The following FMNL1 variants were observed in gnomAD, a reference collection of about 807,000 sequenced individuals.
FMNL1 encodes formin-like protein 1.
A neutral mutation model predicts 121.3 loss-of-function variants in FMNL1; 43 were observed. The observed-to-expected ratio is 0.35, with a 90% CI of 0.28 to 0.46. The LOEUF (loss-of-function observed/expected upper bound fraction) is 0.46, where lower values mean the gene tolerates loss of function less well. Among genes scored for constraint, FMNL1 ranks in the 20% least tolerant of loss-of-function variants. The pLI, the probability that FMNL1 is intolerant of heterozygous loss-of-function variation, is 1.00. For missense variants in FMNL1, 1,191 were observed against 1,482.4 expected, an observed-to-expected ratio of 0.80 and a Z score of 3.23; for synonymous variants, 613 against 613.5, an observed-to-expected ratio of 1.00 and a Z score of 0.01.
intron 11 of FMNL1, 112 bp downstream of exon 11, chr17:45,239,177 C>G: frequency 1.3e-6 from 1 of 784,120 alleles, no homozygotes; most frequent in Non-Finnish European, 2.2e-6. Flanking sequence ...AATCCTGGCT[C>G]TGCCGTTGCC....
At chr17:45,242,173 C>T (rs1193135984) in intron 15 of FMNL1, 27 bp downstream of exon 15, 8 of 1,522,240 alleles carry the variant, frequency 5.3e-6, no homozygotes, top group East Asian at 2.5e-5. Flanking sequence ...ACCTTGGGCC[C>T]GGGGCTGGGG....
In FMNL1 at chr17:45,241,897, C is replaced by T; in HGVS notation, c.1636C>T (p.Pro546Ser). The T allele has an allele frequency of 3.5e-6, 5 of 1,420,162 alleles. No homozygotes were observed. In the South Asian group the frequency reaches 5.9e-5, roughly 17 times the overall value. 88.0% of individuals were successfully genotyped at this position (1,420,162 alleles called of 1,614,324 possible). ...PAPGAAPPPP[P>S]PLPGLPSPQE... is the part of the protein sequence containing the mutation. ...TCCCGGAGCAGCGCCACCGCCGCCGCCCCCACTGCCCGGCCTCCCCTCCCC... is the reference window on the plus strand; with the variant it reads ...TCCCGGAGCAGCGCCACCGCCGCCGTCCCCACTGCCCGGCCTCCCCTCCCC... The change falls in exon 15 of 27, where the codon CCC (proline) becomes TCC (serine). Residue 546 changes from proline (P) to serine (S), a missense_variant. Coordinates refer to ENST00000331495, the MANE Select transcript of FMNL1 (RefSeq NM_005892.4). This position sits in a 1 kb window ranked among gnomAD's most constrained non-coding sequence, Gnocchi z 7.0.
In FMNL1 at chr17:45,233,341, C is replaced by G. The variant is rs201087162; in HGVS notation, c.401+44C>G. The G allele has an allele frequency of 6.5e-7, 1 of 1,535,952 alleles. No homozygotes were observed. Among genetic ancestry groups the G allele is most frequent in the African/African-American group, 1.4e-5 (1 of 72,838 alleles). On this transcript the variant is annotated intron_variant, in intron 4 of 26. Transcript: ENST00000331495. The surrounding 1 kb of genome is among the most constrained non-coding windows in gnomAD (Gnocchi z 4.1). The stretch of plus-strand genomic sequence containing the variant: ...CTTCCTCTCTGGGCCTAGGAAGGCT[C>G]TGCTTCCAGGCAGCTCCTGGAGCTT...
chr17:45,242,070 G>A lies in FMNL1; in HGVS notation c.1809G>A (p.Pro603=). ...PPPGTDGPVP[P]PPPPPPPPPG... ...CGGGCACTGACGGGCCGGTGCCTCC[G>A]CCGCCGCCGCCGCCGCCGCCGCCTC... The change falls in exon 15 of 27, where the codon CCG becomes CCA. Residue 603 remains proline, a synonymous_variant. Coordinates refer to ENST00000331495, the MANE Select transcript of FMNL1 (RefSeq NM_005892.4). The A allele has an allele frequency of 1.2e-6, 1 of 867,584 alleles. No individual in the cohort carries two copies. 53.7% of individuals were successfully genotyped at this position (867,584 alleles called of 1,614,324 possible).
chr17:45,241,879 G>A lies in FMNL1; in HGVS notation c.1618G>A (p.Ala540Thr). The A allele has an allele frequency of 7.0e-7, 1 of 1,431,012 alleles. No homozygotes were observed. Among genetic ancestry groups the A allele is most frequent in the Non-Finnish European group, 9.1e-7 (1 of 1,100,826 alleles). The allele number at this position is 1,431,012 out of a possible 1,614,324, so 88.6% of individuals were successfully genotyped here. Residue 540 changes from alanine (A) to threonine (T), a missense_variant, in exon 15 of 27, where the codon GCA (alanine) becomes ACA (threonine). Transcript: ENST00000331495. This position sits in a 1 kb window ranked among gnomAD's most constrained non-coding sequence, Gnocchi z 7.0. ...LAPAAEPAPGAAPPPPPPLPG... is the reference protein window; with the variant it reads ...LAPAAEPAPGTAPPPPPPLPG... The stretch of plus-strand genomic sequence containing the variant: ...ACCTGCAGCAGAGCCGGCTCCCGGA[G>A]CAGCGCCACCGCCGCCGCCCCCACT...
chr17:45,224,434 G>A (rs2043292795), intron 1 of FMNL1, among the ~76,000 whole-genome samples: 1 of 152,204 alleles, frequency 6.6e-6, no homozygotes, highest in Non-Finnish European at 1.5e-5. Flanking sequence ...GTGTCTAAGA[G>A]GAGAAGAACC....
At chr17:45,229,923 G>A (rs1679034027) in intron 1 of FMNL1, among the ~76,000 whole-genome samples, 2 of 152,096 alleles carry the variant, frequency 1.3e-5, no homozygotes, top group Admixed American at 6.5e-5. Context: ...AAATCTCCCC[G>A]CCCCTGCAGC....
chr17:45,225,911 C>T (rs1464739513), intron 1 of FMNL1, among the ~76,000 whole-genome samples: 6 of 152,160 alleles, frequency 3.9e-5, no homozygotes, highest in East Asian at 1.9e-4. Context: ...TAGAGGACTT[C>T]GCACAGTGCC....
chr17:45,232,202 G>T (rs193216219), intron 2 of FMNL1, among the ~76,000 whole-genome samples, 165 bp from the exon 3 acceptor site: 8 of 152,318 alleles, frequency 5.3e-5, no homozygotes, highest in Admixed American at 5.2e-4. Flanking sequence ...AAAAGAAAGT[G>T]GCTTGGTGGA....
intron 1 of FMNL1, among the ~76,000 whole-genome samples, chr17:45,222,527 TGAA>T (rs933106831): frequency 1.3e-5 from 2 of 152,064 alleles, no homozygotes; most frequent in African/African-American, 4.8e-5. Flanking sequence ...GTATGTCCTG[TGAA>T]GAAGTTGGGA....
intron 11 of FMNL1, chr17:45,239,279 C>T (rs1179212156): frequency 1.2e-5 from 7 of 572,610 alleles, no homozygotes; most frequent in Non-Finnish European, 1.9e-5. Context: ...AATCTTGACT[C>T]TAAATGCATA....
Position 45,237,787 on chromosome 17 carries a change from A to G in FMNL1, c.894+148A>G, listed in dbSNP as rs1011156986. The G allele has an allele frequency of 4.4e-5, 36 of 811,184 alleles. No homozygotes were observed. In the Admixed American group the frequency reaches 7.9e-4, roughly 18 times the overall value. 50.2% of individuals were successfully genotyped at this position (811,184 alleles called of 1,614,324 possible). ...CCAAAAGTTGAAGTTGAGCCACATC[A>G]CTGGCTCAGCAATCTGGGATGGGGA... On this transcript the variant is annotated intron_variant, in intron 9 of 26. Transcript: ENST00000331495. The surrounding 1 kb of genome is among the most constrained non-coding windows in gnomAD (Gnocchi z 4.4).
At chr17:45,236,042 G>C in intron 6 of FMNL1, 94 bp from the exon 7 acceptor site, 1 of 1,019,394 alleles carries the variant, frequency 9.8e-7, no homozygotes. Flanking sequence ...TCAGGTTCCA[G>C]ATGTGCCTCC....
chr17:45,228,178 G>C (rs2043368121), intron 1 of FMNL1, among the ~76,000 whole-genome samples: 1 of 152,224 alleles, frequency 6.6e-6, no homozygotes, highest in African/African-American at 2.4e-5. Flanking sequence ...TGGAGTGCCT[G>C]GCTCCTCGGT....
intron 7 of FMNL1, chr17:45,236,473 GGCATGAAGGA>G: frequency 2.2e-6 from 1 of 452,344 alleles, no homozygotes; most frequent in Non-Finnish European, 4.0e-6. Flanking sequence ...CCCATGGCTG[GGCATGAAGGA>G]GCCTCACATA....
chr17:45,228,831 A>ACCGTCT (rs61672284), intron 1 of FMNL1, among the ~76,000 whole-genome samples: 47,427 of 151,700 alleles, frequency 0.31, 8,521 homozygotes, highest in East Asian at 0.48. Flanking sequence ...CTCCCTGGCC[A>ACCGTCT]CCGTCTTTTG....
chr17:45,241,851 C>T lies in FMNL1; in HGVS notation c.1590C>T (p.Leu530=). The change falls in exon 15 of 27, where the codon CTC becomes CTT. Residue 530 remains leucine (L), a synonymous_variant. Coordinates refer to ENST00000331495, the MANE Select transcript of FMNL1 (RefSeq NM_005892.4). This position sits in a 1 kb window ranked among gnomAD's most constrained non-coding sequence, Gnocchi z 7.0. The part of the protein sequence containing the change: ...GVPTGSPSPD[L]APAAEPAPGA... The stretch of plus-strand genomic sequence containing the variant: ...GCCGCGCCCTCGCTGGCTCAGATCT[C>T]GCACCTGCAGCAGAGCCGGCTCCCG... 2 of 1,430,976 alleles carry T rather than the reference C, an allele frequency of 1.4e-6. No individual in the cohort carries two copies. Among genetic ancestry groups the T allele is most frequent in the Non-Finnish European group, 9.1e-7 (1 of 1,101,982 alleles). 88.6% of individuals were successfully genotyped at this position (1,430,976 alleles called of 1,614,324 possible).
intron 22 of FMNL1, 68 bp downstream of exon 22, chr17:45,245,484 G>T: frequency 1.9e-6 from 3 of 1,608,044 alleles, no homozygotes; most frequent in South Asian, 2.2e-5. Flanking sequence ...GCCTGGAGGG[G>T]TGTGGCCGTA....
In FMNL1 at chr17:45,233,158, C is replaced by T; in HGVS notation, c.328-66C>T. On this transcript the variant is annotated intron_variant, in intron 3 of 26. Coordinates refer to ENST00000331495, the MANE Select transcript of FMNL1 (RefSeq NM_005892.4). This position sits in a 1 kb window ranked among gnomAD's most constrained non-coding sequence, Gnocchi z 4.1. Reference sequence around the variant, plus strand: ...GGGTGGGCGCTGCTGCCTGCTGCCTCAGGACTTGGTGGGCCTGTGGGAGGC... The same window carrying T: ...GGGTGGGCGCTGCTGCCTGCTGCCTTAGGACTTGGTGGGCCTGTGGGAGGC... The T allele has an allele frequency of 1.3e-6, 2 of 1,519,072 alleles. No homozygotes were observed. The highest frequency in any genetic ancestry group is 1.8e-6 in the Non-Finnish European group (2 of 1,118,168). The allele number at this position is 1,519,072 out of a possible 1,614,324, so 94.1% of individuals were successfully genotyped here.
Sources: allele counts gnomAD v4.1 joint callset (sites outside exome capture counted in the v4.1 genomes callset), GRCh38; gene constraint gnomAD v4.1.1; non-coding constraint Gnocchi (gnomAD v3.1); transcripts MANE v1.5; gene names NCBI Gene and HGNC (gene_info 2026-07-23, HGNC 2026-07-21).